Variants in EVC observed in about 807,000 individuals in gnomAD.
The protein encoded by EVC is evC complex member EVC.
A neutral mutation model predicts 118.9 loss-of-function variants in EVC; 116 were observed. The ratio of observed to expected loss-of-function variants is 0.98; its 90% confidence interval spans 0.84 to 1.14. The LOEUF is 1.14. EVC is among the 50% of genes most tolerant of loss of function. The pLI is 0.00. For missense variants in EVC, 1,401 were observed against 1,246.4 expected, an observed-to-expected ratio of 1.12 and a Z score of -1.87; for synonymous variants, 619 against 534.7, an observed-to-expected ratio of 1.16 and a Z score of -2.18.
rs1712319918 is a variant in EVC at position 5,789,311 on chromosome 4, C to G, written c.1777-4297C>G. 6.6e-6 allele frequency among the ~76,000 whole-genome samples: 1 copy of G among 152,190 alleles called. No homozygotes were observed. The highest frequency in any genetic ancestry group is 6.5e-5 in the Admixed American group (1 of 15,276). On this transcript the variant is annotated intron_variant, in intron 12 of 20. Coordinates refer to ENST00000264956, the MANE Select transcript of EVC (RefSeq NM_153717.3). This position sits in a 1 kb window ranked among gnomAD's most constrained non-coding sequence, Gnocchi z 4.3. ...CTCTGACCGCAACTGCATGCTGCCC[C>G]CAGCCCCAGTGGTTCCTTGCACTCC...
intron 2 of EVC, among the ~76,000 whole-genome samples, chr4:5,728,122 T>C (rs1185270905): frequency 2.0e-5 from 3 of 152,192 alleles, no homozygotes; most frequent in Non-Finnish European, 4.4e-5. Context: ...AGTCATTGGC[T>C]GCTTGTTGGG....
At chr4:5,761,902 AT>A (rs940333057) in intron 11 of EVC, among the ~76,000 whole-genome samples, 1,997 of 143,762 alleles carry the variant, frequency 0.014, 47 homozygotes, top group Non-Finnish European at 0.011. Flanking sequence ...GCAGCTTAGA[AT>A]TTTTTTTTTT....
At chr4:5,819,564 A>T in the EVC span, among the ~76,000 whole-genome samples, 1 of 152,242 alleles carries the variant, frequency 6.6e-6, no homozygotes, top group Admixed American at 6.5e-5. Context: ...GGCTCCCATG[A>T]CCTGGGAGTC....
At chr4:5,791,744 T>C (rs1254015805) in intron 12 of EVC, among the ~76,000 whole-genome samples, 1 of 151,798 alleles carries the variant, frequency 6.6e-6, no homozygotes, top group Non-Finnish European at 1.5e-5. Flanking sequence ...GAGGCCCCTC[T>C]GTTACATGAA....
rs1247488068 is a variant in EVC, at chr4:5,756,706, A to G, written c.1563+344A>G. On this transcript the variant is annotated intron_variant, in intron 11 of 20. Coordinates refer to ENST00000264956, the MANE Select transcript of EVC (RefSeq NM_153717.3). The surrounding 1 kb of genome is among the most constrained non-coding windows in gnomAD (Gnocchi z 4.2). ...TGTCATCAGTGTAAAGTGGTGATGA[A>G]GAAGGGGTTCTGGGCTGAAATGGGG... 1.3e-5 allele frequency among the ~76,000 whole-genome samples: 2 copies of G among 152,178 alleles called. No individual in the cohort carries two copies. The highest frequency in any genetic ancestry group is 2.4e-5 in the African/African-American group (1 of 41,440).
At chr4:5,776,745 G>C (rs1285771031) in intron 11 of EVC, among the ~76,000 whole-genome samples, 6 of 152,034 alleles carry the variant, frequency 3.9e-5, no homozygotes, top group African/African-American at 1.5e-4. Context: ...CTATTTTCCA[G>C]TGTGCTAATT....
Position 5,729,359 on chromosome 4 carries a change from A to C in EVC, c.353A>C (p.Lys118Thr). ...ATCACAGCATTCGCCCTGAAGGCCAAAGTCATCTACCCCATCAATCAGAAG... is the reference window on the plus strand; with the variant it reads ...ATCACAGCATTCGCCCTGAAGGCCACAGTCATCTACCCCATCAATCAGAAG... ...SNITAFALKA[K>T]VIYPINQKFR... is the part of the protein sequence containing the mutation. The change falls in exon 3 of 21, where the codon AAA becomes ACA. Residue 118 changes from lysine (K) to threonine (T), a missense_variant. Physicochemically the swap from Lys to Thr is moderately conservative, Grantham distance 78. Transcript: ENST00000264956. The C allele has an allele frequency of 6.2e-7, 1 of 1,614,106 alleles. No homozygotes were observed. Among genetic ancestry groups the C allele is most frequent in the Non-Finnish European group, 8.5e-7 (1 of 1,180,030 alleles).
At chr4:5,751,523 G>T (rs111386268) in intron 8 of EVC, among the ~76,000 whole-genome samples, 1 of 152,234 alleles carries the variant, frequency 6.6e-6, no homozygotes, top group Non-Finnish European at 1.5e-5. Flanking sequence ...GAGCCTCGCC[G>T]TCCTTGTCCA....
At chr4:5,822,982 A>AC in the EVC span, among the ~76,000 whole-genome samples, 1 of 151,942 alleles carries the variant, frequency 6.6e-6, no homozygotes, top group Non-Finnish European at 1.5e-5. Flanking sequence ...TACCCACTGT[A>AC]CCCTTTCATA....
chr4:5,748,193 G>T lies in EVC; in HGVS notation c.985G>T (p.Val329Leu), dbSNP rs769839092. 1 of 1,614,188 alleles carries T rather than the reference G, an allele frequency of 6.2e-7. No homozygotes were observed. Among genetic ancestry groups the T allele is most frequent in the Non-Finnish European group, 8.5e-7 (1 of 1,180,044 alleles). Reference protein sequence around the residue: ...KQMANIQHFLVDQFKCSSSKA... With the variant: ...KQMANIQHFLLDQFKCSSSKA... ...GATGGCAAATATCCAGCACTTTCTT[G>T]TGGACCAGTTTAAGTGTTCCAGCTC... Residue 329 changes from valine to leucine, a missense_variant, in exon 8 of 21, where the codon GTG (valine) becomes TTG (leucine). Physicochemically the swap from Val to Leu is conservative, Grantham distance 32. Transcript: ENST00000264956.
rs1355639285 is a variant in EVC at position 5,737,916 on chromosome 4, G to GCT, written c.703-3797_703-3796dup. 1.3e-5 allele frequency among the ~76,000 whole-genome samples: 2 copies of GCT among 152,148 alleles called. No homozygotes were observed. The highest frequency in any genetic ancestry group is 2.4e-5 in the African/African-American group (1 of 41,426). ...TTATTTAAGAAATACATTTCCTAAG[G>GCT]CTCTAACTGCCATACATAGTGATTC... On this transcript the variant is annotated intron_variant, in intron 5 of 20. Transcript: ENST00000264956. The surrounding 1 kb of genome is among the most constrained non-coding windows in gnomAD (Gnocchi z 5.0).
chr4:5,793,774 G>C (rs1713238437), intron 13 of EVC, 57 bp downstream of exon 13: 2 of 1,352,858 alleles, frequency 1.5e-6, no homozygotes, highest in Admixed American at 3.9e-5. Flanking sequence ...GCTCCCTCCA[G>C]CCTCAGTGTC....
rs1244581047 is a variant in EVC, at chr4:5,738,888, A to G, written c.703-2828A>G. ...GCCCAACAACTTTTTTTTAATAATC[A>G]TCTTAGGCTCAGATGATCATTAGCA... is the stretch of plus-strand genomic sequence containing the variant. On this transcript the variant is annotated intron_variant, in intron 5 of 20. Transcript: ENST00000264956. The surrounding 1 kb of genome is among the most constrained non-coding windows in gnomAD (Gnocchi z 6.5). Among the ~76,000 whole-genome samples, 1 of 152,044 alleles carries G rather than the reference A, an allele frequency of 6.6e-6. No homozygotes were observed. Among genetic ancestry groups the G allele is most frequent in the Admixed American group, 6.6e-5 (1 of 15,264 alleles).
chr4:5,723,244 C>A (rs1288584190), intron 2 of EVC, among the ~76,000 whole-genome samples: 2 of 148,762 alleles, frequency 1.3e-5, no homozygotes, highest in African/African-American at 5.0e-5. Flanking sequence ...GTCTGGAGTG[C>A]AGTGGTGCGA....
chr4:5,795,420 G>A (rs760967216), intron 13 of EVC, among the ~76,000 whole-genome samples: 3 of 152,152 alleles, frequency 2.0e-5, no homozygotes, highest in Non-Finnish European at 4.4e-5. Context: ...GGGAGGCTGA[G>A]GTGGGCAGAT....
Position 5,765,132 on chromosome 4 carries a change from C to G in EVC, c.1563+8770C>G, listed in dbSNP as rs1262918857. ...TGTTCTCGTTGGTTTCAAAGAACAT[C>G]TTTATTTCTGCCTTCATTTTGTTAT... On this transcript the variant is annotated intron_variant, in intron 11 of 20. Transcript: ENST00000264956. Among the ~76,000 whole-genome samples, 2 of 117,056 alleles carry G rather than the reference C, an allele frequency of 1.7e-5. 1 individual carries two copies. Among genetic ancestry groups the G allele is most frequent in the East Asian group, 5.4e-4 (2 of 3,672 alleles). The allele number at this position is 117,056 out of a possible 152,430, so 76.8% of individuals were successfully genotyped here.
chr4:5,802,174 A>AGG, intron 16 of EVC, 80 bp downstream of exon 16: 1 of 1,534,762 alleles, frequency 6.5e-7, no homozygotes, highest in Non-Finnish European at 9.0e-7. Context: ...AGGATGTCAG[A>AGG]TACTGTGAAT....
intron 1 of EVC, among the ~76,000 whole-genome samples, chr4:5,715,502 C>T (rs10937665): frequency 0.82 from 124,650 of 152,170 alleles, 51,280 homozygotes; most frequent in African/African-American, 0.88. Flanking sequence ...GAGTTTCTCA[C>T]GTCTCTTCTG....
In EVC at chr4:5,804,144, G is replaced by A. The variant is rs576793658; in HGVS notation, c.2450-586G>A. ...GTAGAGACAGGGTTTCACCATGTTG[G>A]CCAGGCTGGTCTCGAACTCCTGACT... On this transcript the variant is annotated intron_variant, in intron 16 of 20. Transcript: ENST00000264956. 1.4e-4 allele frequency among the ~76,000 whole-genome samples: 22 copies of A among 152,178 alleles called. No homozygotes were observed. The South Asian group carries it at 4.2e-3, about 29-fold the overall frequency.
Sources: allele counts gnomAD v4.1 joint callset (sites outside exome capture counted in the v4.1 genomes callset), GRCh38; gene constraint gnomAD v4.1.1; non-coding constraint Gnocchi (gnomAD v3.1); transcripts MANE v1.5; gene names NCBI Gene and HGNC (gene_info 2026-07-23, HGNC 2026-07-21).